Variants in FGL1 observed in about 807,000 individuals in gnomAD.
FGL1 encodes fibrinogen like 1, also known as fibrinogen-like protein 1.
Under a neutral mutation model 43.7 loss-of-function variants are expected in FGL1, and 59 were observed. That is an observed-to-expected ratio of 1.35 (90% CI 1.10 to 1.68). FGL1 has a LOEUF of 1.68. Ranked by LOEUF, FGL1 falls within the 40% of genes most tolerant of loss-of-function variation. FGL1 has a pLI of 0.00. For missense variants in FGL1, 596 were observed against 373.0 expected (o/e 1.60, Z -4.92); for synonymous variants, 192 against 126.5 (o/e 1.52, Z -3.48).
At chr8:17,868,510 A>G (rs10112643) in intron 7 of FGL1, 38 bp downstream of exon 7, 955,314 of 1,515,172 alleles carry the variant, frequency 0.63, 313,539 homozygotes, top group Non-Finnish European at 0.69. Flanking sequence ...GTGAGATATC[A>G]TCAACTCCAT....
chr8:17,867,112 T>C (rs6586664), intron 7 of FGL1, among the ~76,000 whole-genome samples: 6,791 of 152,268 alleles, frequency 0.045, 524 homozygotes, highest in African/African-American at 0.15. Context: ...TGACTATTTT[T>C]ACAACAGCAG....
At chr8:17,881,600 G>A (rs947672613) in intron 3 of FGL1, among the ~76,000 whole-genome samples, 13 of 151,588 alleles carry the variant, frequency 8.6e-5, no homozygotes, top group Non-Finnish European at 1.5e-4. Flanking sequence ...TTGGGAGGCC[G>A]AGGCAGGCGA....
intron 3 of FGL1, among the ~76,000 whole-genome samples, chr8:17,875,125 A>G (rs1226647598): frequency 6.6e-6 from 1 of 152,234 alleles, no homozygotes; most frequent in Admixed American, 6.5e-5. Flanking sequence ...TTAGAGCATG[A>G]TAAATCATTC....
chr8:17,879,148 G>T (rs913152443), intron 3 of FGL1, among the ~76,000 whole-genome samples: 1 of 151,290 alleles, frequency 6.6e-6, no homozygotes, highest in South Asian at 2.1e-4. Context: ...CAGTCATCTA[G>T]AATTCCTATC....
At chr8:17,891,368 C>G (rs2053702594) in intron 1 of FGL1, 1 of 152,118 alleles carries the variant, frequency 6.6e-6, no homozygotes, top group Non-Finnish European at 1.5e-5. Flanking sequence ...GCCAGCAATT[C>G]TTGACATCCT....
intron 2 of FGL1, among the ~76,000 whole-genome samples, chr8:17,882,975 T>G (rs866440109): frequency 2.0e-5 from 2 of 98,950 alleles, no homozygotes; most frequent in Non-Finnish European, 3.3e-5. Context: ...TATAATATAT[T>G]AAATATATAA....
Position 17,864,736 on chromosome 8 carries a change from G to A in FGL1, c.795C>T (p.Asn265=). 6.5e-7 allele frequency: 1 copy of A among 1,526,996 alleles called. No individual in the cohort carries two copies. 94.6% of individuals were successfully genotyped at this position (1,526,996 alleles called of 1,614,324 possible). A position where few individuals can be genotyped will look rare whatever the true frequency, so the allele number is the denominator to read the frequency against. Residue 265 remains asparagine (N), a synonymous_variant, in exon 8 of 8, where the codon AAC becomes AAT. Transcript: ENST00000427924. ...GGCCGCTGTAGTATACACCATTCAG[G>A]TTTGCAGAGTGACACCTAGTGGAAG... The part of the protein sequence containing the change: ...GWWFNRCHSA[N]LNGVYYSGPY...
At chr8:17,872,892 C>T (rs2053386373) in intron 5 of FGL1, among the ~76,000 whole-genome samples, 2 of 152,074 alleles carry the variant, frequency 1.3e-5, no homozygotes, top group African/African-American at 2.4e-5. Context: ...AATATATATA[C>T]AGAAAAGATG....
intron 7 of FGL1, among the ~76,000 whole-genome samples, chr8:17,866,220 A>G (rs2053267581): frequency 6.6e-6 from 1 of 152,226 alleles, no homozygotes; most frequent in African/African-American, 2.4e-5. Context: ...TTTTTAGAAC[A>G]GCCTGGATTT....
intron 7 of FGL1, among the ~76,000 whole-genome samples, chr8:17,866,620 G>A (rs1055562064): frequency 6.6e-6 from 1 of 152,174 alleles, no homozygotes; most frequent in East Asian, 1.9e-4. Context: ...TCCACCTAAT[G>A]AATGGCCTTT....
chr8:17,869,327 G>A (rs902289581), intron 5 of FGL1, among the ~76,000 whole-genome samples: 1 of 151,998 alleles, frequency 6.6e-6, no homozygotes, highest in African/African-American at 2.4e-5. Context: ...ACAATGAAAG[G>A]GTCGACGTTT....
At chr8:17,889,980 T>G (rs1321567527) in intron 1 of FGL1, among the ~76,000 whole-genome samples, 1 of 152,216 alleles carries the variant, frequency 6.6e-6, no homozygotes, top group Non-Finnish European at 1.5e-5. Flanking sequence ...GAACCTGTTT[T>G]TATATCAATG....
chr8:17,893,253 G>C (rs1019421081), intron 1 of FGL1, among the ~76,000 whole-genome samples: 1 of 151,964 alleles, frequency 6.6e-6, no homozygotes, highest in African/African-American at 2.4e-5. Context: ...GCTTAAAAAA[G>C]AAATTTTCTC....
At chr8:17,865,851 C>T (rs567177713) in intron 7 of FGL1, among the ~76,000 whole-genome samples, 2 of 151,730 alleles carry the variant, frequency 1.3e-5, no homozygotes, top group East Asian at 1.9e-4. Context: ...ATAATCTACC[C>T]GTAAAGGCTG....
intron 1 of FGL1, 21 bp from the exon 2 acceptor site, chr8:17,885,592 T>G (rs756820868): frequency 1.2e-6 from 2 of 1,605,304 alleles, no homozygotes; most frequent in Non-Finnish European, 8.5e-7. Context: ...AAAAAGAATT[T>G]TATAAATGTA....
At chr8:17,882,251 G>C (rs1049488769) in intron 2 of FGL1, 72 bp from the exon 3 acceptor site, 1 of 1,360,412 alleles carries the variant, frequency 7.4e-7, no homozygotes, top group Non-Finnish European at 1.0e-6. Context: ...TAAACATTTG[G>C]ATAAATCAGT....
At chr8:17,871,822 C>G (rs539346503) in intron 5 of FGL1, among the ~76,000 whole-genome samples, 25 of 152,232 alleles carry the variant, frequency 1.6e-4, no homozygotes, top group African/African-American at 5.5e-4. Context: ...GATTAGCCAG[C>G]CTGAGTACCA....
intron 3 of FGL1, among the ~76,000 whole-genome samples, chr8:17,879,323 C>T (rs2053501251): frequency 2.0e-5 from 3 of 151,902 alleles, no homozygotes; most frequent in South Asian, 2.1e-4. Context: ...CCTTGGTGAC[C>T]CCTTACTTCC....
intron 1 of FGL1, among the ~76,000 whole-genome samples, chr8:17,890,936 C>A (rs1056561837): frequency 1.3e-5 from 2 of 152,120 alleles, no homozygotes; most frequent in African/African-American, 4.8e-5. Flanking sequence ...ATTACGAGAA[C>A]TACAATTCAA....
Sources: gnomAD v4.1 joint callset for allele counts (sites outside exome capture counted in the v4.1 genomes callset) on GRCh38, gnomAD v4.1.1 for gene constraint, MANE v1.5 for transcripts, NCBI Gene and HGNC (gene_info 2026-07-23, HGNC 2026-07-21) for gene names.